The following LARGE1 variants were observed in gnomAD, a reference collection of about 807,000 sequenced individuals.
LARGE1 encodes the protein LARGE xylosyl- and glucuronyltransferase 1.
Under a neutral mutation model 87.6 loss-of-function variants are expected in LARGE1, and 43 were observed. The observed-to-expected ratio is 0.49, with a 90% CI of 0.38 to 0.63. The LOEUF (loss-of-function observed/expected upper bound fraction) is 0.63. Ranked by LOEUF, LARGE1 falls within the 30% of genes least tolerant of loss-of-function variation. LARGE1 has a pLI of 0.00. For missense variants in LARGE1, 802 were observed against 1,000.2 expected (o/e 0.80, Z 2.67); for synonymous variants, 434 against 394.6 (o/e 1.10, Z -1.18).
chr22:33,755,586 G>A (rs904566822), intron 2 of LARGE1, among the ~76,000 whole-genome samples: 1 of 152,126 alleles, frequency 6.6e-6, no homozygotes, highest in Non-Finnish European at 1.5e-5. Flanking sequence ...GAAAATAACA[G>A]GTATGCTCTA....
chr22:33,185,379 A>C (rs1271019169), intron 11 of LARGE1, among the ~76,000 whole-genome samples: 3 of 152,150 alleles, frequency 2.0e-5, no homozygotes, highest in Non-Finnish European at 4.4e-5. Context: ...AAAAAAGAAC[A>C]GTGTTTGCCA....
chr22:33,901,377 C>G (rs1330605615), intron 1 of LARGE1, among the ~76,000 whole-genome samples: 19 of 152,128 alleles, frequency 1.2e-4, no homozygotes, highest in Admixed American at 1.2e-3. Context: ...GAAATGAATG[C>G]AAAGAAAGTA....
intron 1 of LARGE1, among the ~76,000 whole-genome samples, chr22:33,832,045 A>T (rs1339182485): frequency 6.6e-6 from 1 of 151,934 alleles, no homozygotes; most frequent in Non-Finnish European, 1.5e-5. Context: ...GCTAACACCA[A>T]CTCAGCTTTC....
intron 1 of LARGE1, among the ~76,000 whole-genome samples, chr22:33,784,249 A>G (rs979970589): frequency 4.6e-5 from 7 of 152,214 alleles, no homozygotes; most frequent in African/African-American, 1.7e-4. Flanking sequence ...TCTTTCTGCA[A>G]TGCCAAGCTC....
intron 1 of LARGE1, among the ~76,000 whole-genome samples, chr22:33,906,481 C>T (rs984732423): frequency 6.6e-6 from 1 of 152,192 alleles, no homozygotes; most frequent in Admixed American, 6.5e-5. Flanking sequence ...ATAACCTCTC[C>T]AAGCCTCAGT....
intron 9 of LARGE1, among the ~76,000 whole-genome samples, chr22:33,352,406 C>T (rs1247381971): frequency 6.6e-6 from 1 of 152,126 alleles, no homozygotes; most frequent in Non-Finnish European, 1.5e-5. Context: ...TTGAAGTTTA[C>T]TTGAAAAGCA....
chr22:33,436,558 T>C (rs951210257), intron 6 of LARGE1: 3 of 154,256 alleles, frequency 1.9e-5, no homozygotes, highest in Non-Finnish European at 4.4e-5. Flanking sequence ...GAGGGATTTC[T>C]TGACACCTTG....
intron 11 of LARGE1, among the ~76,000 whole-genome samples, chr22:33,192,141 C>A (rs1331127808): frequency 6.6e-6 from 1 of 152,136 alleles, no homozygotes; most frequent in African/African-American, 2.4e-5. Flanking sequence ...TTATGAAAGG[C>A]AAGTGCAGTG....
chr22:33,373,712 T>A (rs1038486296), intron 9 of LARGE1, among the ~76,000 whole-genome samples: 2 of 152,116 alleles, frequency 1.3e-5, no homozygotes, highest in African/African-American at 4.8e-5. Flanking sequence ...CGGTGGCTTA[T>A]GCCTGTAATC....
rs571198974 is a variant in LARGE1 at position 33,558,245 on chromosome 22, T to G, written c.787+6603A>C. On this transcript the variant is annotated intron_variant, in intron 6 of 14. Coordinates refer to ENST00000397394, the MANE Select transcript of LARGE1 (RefSeq NM_133642.5). ...ATCTGACTGGCATAAGGTCATGGGA[T>G]TGTCTTGAAAGGTCTTCTTTGATTC... Among the ~76,000 whole-genome samples, 36 of 152,174 alleles carry G rather than the reference T, an allele frequency of 2.4e-4. 2 individuals are homozygous for G. The highest frequency in any genetic ancestry group is 2.3e-3 in the South Asian group (11 of 4,826).
At position 33,281,086 on chromosome 22, in the gene LARGE1, G is replaced by A. The variant is rs73399530; in HGVS notation, c.1877+2116C>T. 2.0e-3 allele frequency among the ~76,000 whole-genome samples: 309 copies of A among 152,266 alleles called. 1 individual carries two copies. The highest frequency in any genetic ancestry group is 7.0e-3 in the African/African-American group (291 of 41,552). On this transcript the variant is annotated intron_variant, in intron 13 of 14. Transcript: ENST00000397394. ...AGAGTTTGTTATTTGGAGAGCAGGTGACAATAGCAATTTCTCGGAGACAAG... is the reference window on the plus strand; with the variant it reads ...AGAGTTTGTTATTTGGAGAGCAGGTAACAATAGCAATTTCTCGGAGACAAG...
At chr22:33,786,747 C>T (rs7287977) in intron 1 of LARGE1, among the ~76,000 whole-genome samples, 5 of 152,262 alleles carry the variant, frequency 3.3e-5, no homozygotes, top group African/African-American at 4.8e-5. Flanking sequence ...ATAGGCTGGG[C>T]GCAGTGGCTC....
At chr22:33,810,338 T>A (rs746142234) in intron 1 of LARGE1, among the ~76,000 whole-genome samples, 1 of 152,132 alleles carries the variant, frequency 6.6e-6, no homozygotes, top group Non-Finnish European at 1.5e-5. Flanking sequence ...GGTCCCACAG[T>A]ACTCTCTGGA....
At chr22:33,785,126 T>C (rs1014280760) in intron 1 of LARGE1, among the ~76,000 whole-genome samples, 6 of 86,070 alleles carry the variant, frequency 7.0e-5, no homozygotes, top group East Asian at 3.4e-4. Context: ...TGTATATGCA[T>C]ATATGTGTAT....
Position 33,472,785 on chromosome 22 carries a change from G to A in LARGE1, c.788-40520C>T, listed in dbSNP as rs561818387. Among the ~76,000 whole-genome samples, 7 of 152,280 alleles carry A rather than the reference G, an allele frequency of 4.6e-5. No individual in the cohort carries two copies. The South Asian group carries it at 1.5e-3, about 32-fold the overall frequency. ...CAAAGCATCTACCATGTAAATTGAG[G>A]GAAGATCGTACTCCACTTTGTTTGG... On this transcript the variant is annotated intron_variant, in intron 6 of 14. Transcript: ENST00000397394.
intron 2 of LARGE1, among the ~76,000 whole-genome samples, chr22:33,681,685 C>T (rs8141120): frequency 6.6e-6 from 1 of 152,202 alleles, no homozygotes; most frequent in South Asian, 2.1e-4. Context: ...CACCAGATCT[C>T]TCCAAAATTT....
the LARGE1 span, among the ~76,000 whole-genome samples, chr22:33,134,391 T>G: frequency 6.6e-6 from 1 of 151,944 alleles, no homozygotes; most frequent in African/African-American, 2.4e-5. Flanking sequence ...CCCGAGTAGC[T>G]GGGACTACAA....
chr22:33,692,995 C>A (rs1258393236), intron 2 of LARGE1, among the ~76,000 whole-genome samples: 3 of 152,086 alleles, frequency 2.0e-5, no homozygotes, highest in African/African-American at 7.2e-5. Flanking sequence ...TGGGACCAAC[C>A]TAAATGTCCA....
chr22:33,506,828 G>A (rs1291092768), intron 6 of LARGE1, among the ~76,000 whole-genome samples: 2 of 152,166 alleles, frequency 1.3e-5, no homozygotes, highest in Admixed American at 6.5e-5. Flanking sequence ...TTGAACCCAG[G>A]AGGCGGAGGT....
Sources: gnomAD v4.1 joint callset for allele counts (sites outside exome capture counted in the v4.1 genomes callset) on GRCh38, gnomAD v4.1.1 for gene constraint, MANE v1.5 for transcripts, NCBI Gene and HGNC (gene_info 2026-07-23, HGNC 2026-07-21) for gene names.